Variants in SCRN1 observed in about 807,000 individuals in gnomAD.
SCRN1 encodes secernin-1.
In SCRN1, 19 loss-of-function variants were observed where a neutral mutation model predicts 43.3. The observed-to-expected ratio is 0.44, with a 90% confidence interval of 0.31 to 0.64. The LOEUF (loss-of-function observed/expected upper bound fraction) is 0.64, where lower values mean the gene tolerates loss of function less well. Ranked by LOEUF, SCRN1 falls within the 30% of genes least tolerant of loss-of-function variation. The pLI, the probability that SCRN1 is intolerant of heterozygous loss-of-function variation, is 0.09. For missense variants in SCRN1, 447 were observed against 524.1 expected (o/e 0.85, Z 1.44); for synonymous variants, 183 against 188.9 (o/e 0.97, Z 0.26).
intron 7 of SCRN1, among the ~76,000 whole-genome samples, chr7:29,926,177 G>A (rs1008842680): frequency 2.0e-5 from 3 of 152,134 alleles, no homozygotes; most frequent in East Asian, 1.9e-4. Flanking sequence ...TTATTCCTAC[G>A]TAAACAGTAA....
chr7:29,928,307 C>A (rs760496682), intron 6 of SCRN1, among the ~76,000 whole-genome samples: 1 of 152,050 alleles, frequency 6.6e-6, no homozygotes, highest in Non-Finnish European at 1.5e-5. Flanking sequence ...AAGATCCCTG[C>A]GGATTCATAA....
chr7:29,935,864 G>A (rs1172085135), intron 6 of SCRN1, among the ~76,000 whole-genome samples: 1 of 152,154 alleles, frequency 6.6e-6, no homozygotes, highest in African/African-American at 2.4e-5. Context: ...GTAAAGGTAG[G>A]GGCTGATATT....
chr7:29,954,814 G>T (rs888929100), intron 3 of SCRN1, among the ~76,000 whole-genome samples: 4 of 152,118 alleles, frequency 2.6e-5, no homozygotes, highest in African/African-American at 9.7e-5. Flanking sequence ...CTGAGTAGCT[G>T]GGATTATAGG....
At chr7:29,954,430 C>A (rs1583673312) in intron 3 of SCRN1, among the ~76,000 whole-genome samples, 2 of 152,044 alleles carry the variant, frequency 1.3e-5, no homozygotes, top group South Asian at 4.1e-4. Context: ...GCAGCCATCA[C>A]CACAATCTAA....
chr7:29,973,520 G>T (rs561599823), intron 1 of SCRN1, among the ~76,000 whole-genome samples: 1 of 152,344 alleles, frequency 6.6e-6, no homozygotes, highest in South Asian at 2.1e-4. Context: ...AAAAGCTGAT[G>T]CAACTGAGGA....
chr7:29,984,747 C>T (rs773263818), intron 1 of SCRN1, among the ~76,000 whole-genome samples: 2 of 149,472 alleles, frequency 1.3e-5, no homozygotes, highest in African/African-American at 2.5e-5. Flanking sequence ...ATGGTGAAAC[C>T]CCGCCTCTAC....
chr7:29,932,122 G>A (rs1344575108), intron 6 of SCRN1, among the ~76,000 whole-genome samples: 5 of 142,920 alleles, frequency 3.5e-5, no homozygotes, highest in African/African-American at 1.4e-4. Context: ...GCTCTGGGGG[G>A]TTTTGAAAAG....
rs1459175249 is a variant in SCRN1, at chr7:29,922,038, T to A, written c.*1919A>T. On this transcript the variant is annotated 3_prime_UTR_variant, in exon 8 of 8. Transcript: ENST00000242059. ...TACCTACGTCATCCTCGAACCTCACTTTCCCCCCCCCTTAACAGTGATAGA... is the reference window on the plus strand; with the variant it reads ...TACCTACGTCATCCTCGAACCTCACATTCCCCCCCCCTTAACAGTGATAGA... 1 of 151,888 alleles carries A rather than the reference T, an allele frequency of 6.6e-6. No individual in the cohort carries two copies. Among genetic ancestry groups the A allele is most frequent in the Non-Finnish European group, 1.5e-5 (1 of 67,970 alleles). 9.4% of individuals were successfully genotyped at this position (151,888 alleles called of 1,614,324 possible).
chr7:29,927,966 A>C (rs1400606551), intron 6 of SCRN1, among the ~76,000 whole-genome samples: 1 of 151,878 alleles, frequency 6.6e-6, no homozygotes, highest in Non-Finnish European at 1.5e-5. Context: ...ACTAAAAATA[A>C]AAAAAAATTA....
intron 2 of SCRN1, among the ~76,000 whole-genome samples, chr7:29,959,994 A>AAAGG (rs200431068): frequency 0.14 from 17,009 of 120,112 alleles, 1,333 homozygotes; most frequent in African/African-American, 0.17. Context: ...GAAAGGAAGG[A>AAAGG]AAGGAAGGAA....
At chr7:29,972,983 G>A (rs1788711337) in intron 1 of SCRN1, among the ~76,000 whole-genome samples, 2 of 152,172 alleles carry the variant, frequency 1.3e-5, no homozygotes, top group Admixed American at 6.5e-5. Context: ...GAGTCCCAAA[G>A]AAACCCAGAA....
intron 7 of SCRN1, among the ~76,000 whole-genome samples, chr7:29,924,880 T>G (rs1321631293): frequency 1.3e-5 from 2 of 152,104 alleles, no homozygotes; most frequent in Non-Finnish European, 2.9e-5. Context: ...GAGAAGCTGC[T>G]CTCACCACCC....
rs537906181 is a variant in SCRN1, at chr7:29,972,172, T to G, written c.-1-3104A>C. 2.1e-3 allele frequency among the ~76,000 whole-genome samples: 324 copies of G among 152,282 alleles called. 1 individual carries two copies. The highest frequency in any genetic ancestry group is 3.3e-3 in the Non-Finnish European group (225 of 68,024). ...ATAGAGTGCTACTAGAATCTGGGCA[T>G]CGGGGGAATTGCTGGAGACAAATAA... On this transcript the variant is annotated intron_variant, in intron 1 of 7. Transcript: ENST00000242059.
chr7:29,948,458 C>A (rs903913556), intron 3 of SCRN1, among the ~76,000 whole-genome samples: 1 of 152,242 alleles, frequency 6.6e-6, no homozygotes, highest in African/African-American at 2.4e-5. Context: ...CCTTTTAAAT[C>A]ACCTGAGTCC....
chr7:29,969,475 C>T (rs1483617528), intron 1 of SCRN1, among the ~76,000 whole-genome samples: 1 of 152,170 alleles, frequency 6.6e-6, no homozygotes, highest in Non-Finnish European at 1.5e-5. Context: ...TGCCTCAGAT[C>T]CAGAAATGCA....
chr7:29,938,964 C>A (rs1031867796), intron 5 of SCRN1, among the ~76,000 whole-genome samples: 1 of 152,108 alleles, frequency 6.6e-6, no homozygotes, highest in African/African-American at 2.4e-5. Context: ...TTCCTCTATC[C>A]TCTGTATTTT....
At chr7:29,931,078 A>G (rs1787139549) in intron 6 of SCRN1, among the ~76,000 whole-genome samples, 1 of 152,260 alleles carries the variant, frequency 6.6e-6, no homozygotes, top group South Asian at 2.1e-4. Flanking sequence ...TTTGAGGCAC[A>G]GCCAAGAAAC....
upstream of SCRN1, chr7:29,990,232 C>G (rs1385655181): frequency 3.2e-6 from 5 of 1,551,530 alleles, no homozygotes; most frequent in Middle Eastern, 1.7e-4. Flanking sequence ...AAGTGCCGTC[C>G]TGTACCATGT....
chr7:29,959,514 C>T (rs1788239455), intron 2 of SCRN1, among the ~76,000 whole-genome samples: 1 of 152,166 alleles, frequency 6.6e-6, no homozygotes, highest in Admixed American at 6.5e-5. Flanking sequence ...AAGCGATCCT[C>T]CCCTCTTAGC....
Sources: allele counts gnomAD v4.1 joint callset (sites outside exome capture counted in the v4.1 genomes callset), GRCh38; gene constraint gnomAD v4.1.1; transcripts MANE v1.5; gene names NCBI Gene and HGNC (gene_info 2026-07-23, HGNC 2026-07-21).